CNBD1: variants seen among roughly 807,000 people sequenced by gnomAD.
The protein encoded by CNBD1 is cyclic nucleotide-binding domain-containing protein 1.
A neutral mutation model predicts 54.4 loss-of-function variants in CNBD1; 71 were observed. That is an observed-to-expected ratio of 1.30 (90% CI 1.08 to 1.59). The LOEUF (loss-of-function observed/expected upper bound fraction) is 1.59, where lower values mean the gene tolerates loss of function less well. Among genes scored for constraint, CNBD1 ranks in the 40% most tolerant of loss-of-function variants. The pLI is 0.00. For synonymous variants in CNBD1, 182 were observed against 170.7 expected (o/e 1.07, Z -0.51); for missense variants, 659 against 518.0 (o/e 1.27, Z -2.64).
chr8:87,426,573 T>G (rs1450001903), intron 2 of CNBD1, among the ~76,000 whole-genome samples: 1 of 152,246 alleles, frequency 6.6e-6, no homozygotes, highest in African/African-American at 2.4e-5. Context: ...TTTTACTTTT[T>G]TATCAAGCTA....
intron 6 of CNBD1, among the ~76,000 whole-genome samples, chr8:87,244,132 G>T (rs1456050313): frequency 6.6e-6 from 1 of 152,112 alleles, no homozygotes; most frequent in Non-Finnish European, 1.5e-5. Context: ...GGAGAGATGA[G>T]ACATCAATCA....
chr8:86,906,401 T>A (rs986312032), intron 3 of CNBD1, among the ~76,000 whole-genome samples: 2 of 152,152 alleles, frequency 1.3e-5, no homozygotes, highest in Non-Finnish European at 2.9e-5. Context: ...TCTGTTAAAT[T>A]AATAAAATCT....
chr8:87,319,380 T>C (rs1809470952), intron 8 of CNBD1, among the ~76,000 whole-genome samples: 1 of 152,106 alleles, frequency 6.6e-6, no homozygotes. Flanking sequence ...GCCTTGCCTA[T>C]AGCAGTAATA....
At chr8:87,380,924 T>A (rs777192310) in intron 10 of CNBD1, among the ~76,000 whole-genome samples, 2 of 152,048 alleles carry the variant, frequency 1.3e-5, no homozygotes, top group African/African-American at 2.4e-5. Context: ...AATGCAAGAA[T>A]TGTAACTGTT....
At chr8:86,993,497 C>T (rs1052008039) in intron 4 of CNBD1, among the ~76,000 whole-genome samples, 1 of 152,178 alleles carries the variant, frequency 6.6e-6, no homozygotes, top group African/African-American at 2.4e-5. Context: ...CGCTGGGCAG[C>T]TAGTGGGCTC....
At chr8:86,933,556 A>G (rs1350643747) in intron 3 of CNBD1, among the ~76,000 whole-genome samples, 1 of 152,204 alleles carries the variant, frequency 6.6e-6, no homozygotes, top group South Asian at 2.1e-4. Context: ...ATGAATACAT[A>G]TATCTTTGAT....
chr8:87,068,244 C>G (rs1238792713), intron 4 of CNBD1, among the ~76,000 whole-genome samples: 1 of 151,922 alleles, frequency 6.6e-6, no homozygotes, highest in African/African-American at 2.4e-5. Context: ...AATTTACAAA[C>G]CACTTGCACA....
At chr8:87,422,033 G>C (rs1163424074) in intron 2 of CNBD1, among the ~76,000 whole-genome samples, 1 of 148,556 alleles carries the variant, frequency 6.7e-6, no homozygotes, top group South Asian at 2.1e-4. Flanking sequence ...CAGTGATGAT[G>C]AGCATTTCTT....
intron 3 of CNBD1, among the ~76,000 whole-genome samples, chr8:86,920,073 G>A (rs1447843849): frequency 6.6e-6 from 1 of 151,834 alleles, no homozygotes; most frequent in Non-Finnish European, 1.5e-5. Flanking sequence ...GGAGAATTTA[G>A]CCCACATTTT....
downstream of CNBD1, among the ~76,000 whole-genome samples, chr8:87,385,377 G>T (rs1288343632): frequency 5.3e-5 from 8 of 152,124 alleles, no homozygotes; most frequent in Non-Finnish European, 1.0e-4. Context: ...GTCAAAGAAA[G>T]GGGTGACAGA....
intron 8 of CNBD1, among the ~76,000 whole-genome samples, chr8:87,345,639 T>C (rs1340782861): frequency 2.0e-5 from 3 of 152,164 alleles, no homozygotes; most frequent in African/African-American, 7.2e-5. Flanking sequence ...GAAGTATCAC[T>C]TAAATGGTGT....
At chr8:87,324,672 T>C (rs190779449) in intron 8 of CNBD1, among the ~76,000 whole-genome samples, 94 of 151,940 alleles carry the variant, frequency 6.2e-4, no homozygotes, top group Non-Finnish European at 9.0e-4. Context: ...TTTTTTATTG[T>C]GTCTATTTGA....
chr8:86,941,384 A>C (rs1809654560), intron 4 of CNBD1, among the ~76,000 whole-genome samples: 1 of 152,228 alleles, frequency 6.6e-6, no homozygotes, highest in African/African-American at 2.4e-5. Context: ...TGCTACAATC[A>C]CTTTAATTCC....
chr8:87,031,581 T>G (rs1753217402), intron 4 of CNBD1, among the ~76,000 whole-genome samples: 1 of 152,214 alleles, frequency 6.6e-6, no homozygotes, highest in Non-Finnish European at 1.5e-5. Flanking sequence ...AGCATCTGTA[T>G]TCTGCAATTA....
At chr8:87,272,140 A>C (rs1476338774) in intron 6 of CNBD1, among the ~76,000 whole-genome samples, 3 of 151,918 alleles carry the variant, frequency 2.0e-5, no homozygotes, top group Non-Finnish European at 4.4e-5. Flanking sequence ...GTACAAATAC[A>C]CACTTAGAAT....
chr8:86,992,905 C>T (rs947042446), intron 4 of CNBD1, among the ~76,000 whole-genome samples: 13 of 152,000 alleles, frequency 8.6e-5, no homozygotes, highest in Admixed American at 2.6e-4. Context: ...TTTACTTTGG[C>T]GAAATCTGAA....
At chr8:87,092,962 A>G (rs148215197) in intron 4 of CNBD1, among the ~76,000 whole-genome samples, 3 of 152,186 alleles carry the variant, frequency 2.0e-5, no homozygotes, top group African/African-American at 7.2e-5. Flanking sequence ...CGTTACCACT[A>G]TTTCTTCTCC....
At chr8:87,020,175 C>T (rs558506907) in intron 4 of CNBD1, among the ~76,000 whole-genome samples, 19 of 151,798 alleles carry the variant, frequency 1.3e-4, no homozygotes, top group East Asian at 5.8e-4. Flanking sequence ...AGAAAAGGCA[C>T]GATTAAAGAC....
At chr8:87,385,684 T>A (rs1207808523), downstream of CNBD1, among the ~76,000 whole-genome samples, 1 of 152,066 alleles carries the variant, frequency 6.6e-6, no homozygotes, top group Admixed American at 6.5e-5. Flanking sequence ...AGACTCCACC[T>A]CTGGGGGCAG....
Sources: gnomAD v4.1 joint callset for allele counts (sites outside exome capture counted in the v4.1 genomes callset) on GRCh38, gnomAD v4.1.1 for gene constraint, MANE v1.5 for transcripts, NCBI Gene and HGNC (gene_info 2026-07-23, HGNC 2026-07-21) for gene names.